PCNX2: variants seen among roughly 807,000 people sequenced by gnomAD.
PCNX2 encodes pecanex-like protein 2.
In PCNX2, 168 loss-of-function variants were observed where a neutral mutation model predicts 223.8. That is an observed-to-expected ratio of 0.75 (90% CI 0.66 to 0.85). The LOEUF (loss-of-function observed/expected upper bound fraction) is 0.85, where lower values mean the gene tolerates loss of function less well. Among genes scored for constraint, PCNX2 ranks in the 40% least tolerant of loss-of-function variants. The pLI is 0.00. For missense variants in PCNX2, 2,507 were observed against 2,675.5 expected (o/e 0.94, Z 1.39); for synonymous variants, 1,006 against 1,052.6 (o/e 0.96, Z 0.86).
At chr1:233,282,082 C>T (rs568981816) in intron 1 of PCNX2, among the ~76,000 whole-genome samples, 45 of 152,290 alleles carry the variant, frequency 3.0e-4, no homozygotes, top group African/African-American at 1.0e-3. Context: ...CTCCCCAACA[C>T]ACCACTGAAA....
intron 21 of PCNX2, among the ~76,000 whole-genome samples, chr1:233,106,233 T>C (rs1372443925): frequency 6.6e-6 from 1 of 152,212 alleles, no homozygotes; most frequent in Non-Finnish European, 1.5e-5. Context: ...TTCCTCTAAC[T>C]ATTCCATATA....
intron 23 of PCNX2, among the ~76,000 whole-genome samples, chr1:233,060,785 G>C (rs1007623612): frequency 3.3e-5 from 5 of 152,188 alleles, no homozygotes; most frequent in African/African-American, 1.2e-4. Context: ...CCTAGCACTT[G>C]CCTGACAAAG....
the PCNX2 span, among the ~76,000 whole-genome samples, chr1:233,319,438 C>T: frequency 1.3e-5 from 2 of 152,180 alleles, no homozygotes; most frequent in African/African-American, 4.8e-5. Context: ...AAAGCAGGTG[C>T]AAGAGAGAGG....
intron 17 of PCNX2, among the ~76,000 whole-genome samples, chr1:233,163,000 T>A (rs913047731): frequency 3.9e-5 from 6 of 152,196 alleles, no homozygotes; most frequent in African/African-American, 1.4e-4. Context: ...AACCTTTTTT[T>A]CACAGTTGGA....
At chr1:233,172,409 T>C in intron 17 of PCNX2, 3 of 985,458 alleles carry the variant, frequency 3.0e-6, no homozygotes, top group Non-Finnish European at 3.6e-6. Flanking sequence ...TTTGAACTTG[T>C]GCTGCAAATC....
chr1:233,221,760 C>T (rs144957140), intron 10 of PCNX2, among the ~76,000 whole-genome samples: 315 of 152,150 alleles, frequency 2.1e-3, no homozygotes, highest in African/African-American at 7.3e-3. Flanking sequence ...GTGAGGCTTA[C>T]AGAACTCCAA....
In PCNX2 at chr1:233,200,160, C is replaced by T; in HGVS notation, c.2968G>A (p.Gly990Ser). The T allele has an allele frequency of 1.3e-6, 2 of 1,576,192 alleles. No homozygotes were observed. Among genetic ancestry groups the T allele is most frequent in the Non-Finnish European group, 1.7e-6 (2 of 1,158,328 alleles). Reference sequence around the variant, plus strand: ...TAGAATGTAAACGACTTACCAGAACCACCAAAAAACAGCATGTCAATTTGC... The same window carrying T: ...TAGAATGTAAACGACTTACCAGAACTACCAAAAAACAGCATGTCAATTTGC... ...LEQIDMLFFG[G>S]SAVSGITSAV... is the part of the protein sequence containing the mutation. Residue 990 changes from glycine (G) to serine (S), a missense_variant, in exon 14 of 34, where the codon GGT (glycine) becomes AGT (serine). Transcript: ENST00000258229.
chr1:233,090,186 A>G lies in PCNX2; in HGVS notation c.3951T>C (p.Ser1317=). 1 of 1,612,652 alleles carries G rather than the reference A, an allele frequency of 6.2e-7. No individual in the cohort carries two copies. Among genetic ancestry groups the G allele is most frequent in the Non-Finnish European group, 8.5e-7 (1 of 1,179,668 alleles). ...CAATCGTCTGAAAGAAAAGCATGGC[A>G]GAATCTGAGAATGTTGAGTTAAGGC... The part of the protein sequence containing the change: ...VFAQLFAIPH[S]AMLFFQTIAT... The change falls in exon 23 of 34, where the codon TCT becomes TCC. Residue 1317 remains serine (S), a synonymous_variant. Transcript: ENST00000258229.
chr1:233,239,027 G>T (rs1362780828), intron 8 of PCNX2, among the ~76,000 whole-genome samples: 2 of 152,188 alleles, frequency 1.3e-5, no homozygotes, highest in Admixed American at 1.3e-4. Flanking sequence ...ACTGAGTAAT[G>T]TAACTCTGTC....
At chr1:233,192,979 TTTA>T (rs1680501623) in intron 15 of PCNX2, among the ~76,000 whole-genome samples, 1 of 148,108 alleles carries the variant, frequency 6.8e-6, no homozygotes, top group Non-Finnish European at 1.5e-5. Context: ...TTAATTTGCA[TTTA>T]TTATTTAGAC....
At chr1:233,111,613 AG>A (rs987458440) in intron 21 of PCNX2, among the ~76,000 whole-genome samples, 2 of 152,224 alleles carry the variant, frequency 1.3e-5, no homozygotes, top group African/African-American at 4.8e-5. Context: ...TATGTTGTCC[AG>A]GGTGGTCTTG....
chr1:233,176,708 A>G (rs921152608), intron 17 of PCNX2, among the ~76,000 whole-genome samples: 7 of 152,252 alleles, frequency 4.6e-5, no homozygotes, highest in African/African-American at 1.7e-4. Context: ...ATGTGTGCAC[A>G]ACAGCCACCA....
the PCNX2 span, among the ~76,000 whole-genome samples, chr1:233,301,568 A>C: frequency 2.0e-5 from 3 of 152,184 alleles, no homozygotes; most frequent in African/African-American, 7.2e-5. Context: ...ACATATAAAA[A>C]GGATTACATA....
At chr1:233,148,680 G>T (rs1677612669) in intron 19 of PCNX2, among the ~76,000 whole-genome samples, 1 of 152,122 alleles carries the variant, frequency 6.6e-6, no homozygotes, top group African/African-American at 2.4e-5. Context: ...GGGATTACAG[G>T]CCTGAGCCAC....
At chr1:233,290,747 G>GTC (rs1217005980) in intron 1 of PCNX2, 7 of 983,604 alleles carry the variant, frequency 7.1e-6, no homozygotes, top group Non-Finnish European at 7.2e-6. Context: ...ATCAAAGAAG[G>GTC]TCTCTAAGAT....
Position 233,227,218 on chromosome 1 carries a change from T to C in PCNX2, c.2504+8A>G. The C allele has an allele frequency of 1.9e-6, 3 of 1,611,042 alleles. No homozygotes were observed. In the South Asian group the frequency reaches 3.3e-5, roughly 18 times the overall value. On this transcript the variant is annotated splice_region_variant and intron_variant, in intron 10 of 33. Transcript: ENST00000258229. ...TCCGACAGTGTGTGTGCATGCTCAG[T>C]GGCTTACCGATCAAGTAATGCCAGC...
chr1:233,138,904 TATTAATTA>T (rs1374438186), intron 20 of PCNX2, among the ~76,000 whole-genome samples: 1 of 152,240 alleles, frequency 6.6e-6, no homozygotes, highest in African/African-American at 2.4e-5. Context: ...CTTTGGAGAA[TATTAATTA>T]ATTTGTCCTC....
intron 1 of PCNX2, among the ~76,000 whole-genome samples, chr1:233,269,550 A>T (rs1344242956): frequency 6.6e-6 from 1 of 152,238 alleles, no homozygotes; most frequent in Non-Finnish European, 1.5e-5. Context: ...CTAGGATTAC[A>T]AAGAAAATGG....
chr1:233,019,262 C>A, intron 26 of PCNX2: 1 of 930,034 alleles, frequency 1.1e-6, no homozygotes, highest in Non-Finnish European at 1.3e-6. Context: ...CCTTCTATTA[C>A]GCTCCACAGT....
Sources: allele counts gnomAD v4.1 joint callset (sites outside exome capture counted in the v4.1 genomes callset), GRCh38; gene constraint gnomAD v4.1.1; transcripts MANE v1.5; gene names NCBI Gene and HGNC (gene_info 2026-07-23, HGNC 2026-07-21).